Variants in STAU1 observed in about 807,000 individuals in gnomAD.
STAU1 encodes the protein staufen double-stranded RNA binding protein 1.
Under a neutral mutation model 62.9 loss-of-function variants are expected in STAU1, and 13 were observed. That is an observed-to-expected ratio of 0.21 (90% CI 0.13 to 0.33). The LOEUF (loss-of-function observed/expected upper bound fraction) is 0.33, where lower values mean the gene tolerates loss of function less well. STAU1 is among the 10% of genes least tolerant of loss of function. STAU1 has a pLI of 1.00. For missense variants in STAU1, 571 were observed against 712.1 expected, an observed-to-expected ratio of 0.80 and a Z score of 2.25; for synonymous variants, 269 against 265.1, an observed-to-expected ratio of 1.01 and a Z score of -0.14.
chr20:49,206,719 T>TTATATATATATATATATATATATATA, the STAU1 span, among the ~76,000 whole-genome samples: 1 of 106,036 alleles, frequency 9.4e-6, no homozygotes, highest in Non-Finnish European at 1.8e-5. Flanking sequence ...AAATGAAATT[T>TTATATATATATATATATATATATATA]TATATATATA....
At chr20:49,181,765 AC>A (rs142934964) in intron 1 of STAU1, among the ~76,000 whole-genome samples, 2,304 of 12,390 alleles carry the variant, frequency 0.19, 586 homozygotes, top group Non-Finnish European at 0.26. Flanking sequence ...GACTATCTCA[AC>A]AAAAAAAAAA....
intron 5 of STAU1, among the ~76,000 whole-genome samples, chr20:49,146,781 G>A (rs1480576668): frequency 2.0e-5 from 3 of 151,638 alleles, no homozygotes; most frequent in African/African-American, 7.3e-5. Flanking sequence ...TGTATGCACA[G>A]TAACAGCTCT....
At chr20:49,206,746 TATATA>T in the STAU1 span, among the ~76,000 whole-genome samples, 133 of 116,782 alleles carry the variant, frequency 1.1e-3, 1 homozygote, top group African/African-American at 4.3e-3. Context: ...TATATATATA[TATATA>T]TTTTATTTTA....
intron 2 of STAU1, among the ~76,000 whole-genome samples, chr20:49,166,519 A>G (rs2093528944): frequency 6.6e-6 from 1 of 152,184 alleles, no homozygotes; most frequent in Admixed American, 6.5e-5. Flanking sequence ...TGCTCTGCAT[A>G]TTCATTATAC....
intron 13 of STAU1, 90 bp from the exon 14 acceptor site, chr20:49,114,983 AG>A: frequency 3.7e-6 from 5 of 1,361,682 alleles, no homozygotes; most frequent in South Asian, 1.2e-5. Context: ...GGCAAACATC[AG>A]GAAGTACAAT....
At position 49,162,951 on chromosome 20, in the gene STAU1, T is replaced by C. The variant is rs543244873; in HGVS notation, c.205+3046A>G. The stretch of plus-strand genomic sequence containing the variant: ...GCTCACGCCTATAATCCCAGCACTT[T>C]AGGAGGCCAAGGTAGGCGGATCACG... On this transcript the variant is annotated intron_variant, in intron 3 of 13. Transcript: ENST00000371856. Among the ~76,000 whole-genome samples, 174 of 152,118 alleles carry C rather than the reference T, an allele frequency of 1.1e-3. 1 individual carries two copies. Among genetic ancestry groups the C allele is most frequent in the African/African-American group, 4.0e-3 (168 of 41,508 alleles).
Position 49,162,976 on chromosome 20 carries a change from G to A in STAU1, c.205+3021C>T, listed in dbSNP as rs112789147. Among the ~76,000 whole-genome samples the A allele has an allele frequency of 2.4e-4, 37 of 151,974 alleles. 2 individuals carry two copies. Among genetic ancestry groups the A allele is most frequent in the African/African-American group, 8.0e-4 (33 of 41,450 alleles). ...TAGGAGGCCAAGGTAGGCGGATCAC[G>A]AGGTCAAGAGATTGAAACCATCCTG... On this transcript the variant is annotated intron_variant, in intron 3 of 13. Transcript: ENST00000371856.
At chr20:49,181,709 T>C (rs961166392) in intron 1 of STAU1, among the ~76,000 whole-genome samples, 2 of 128,758 alleles carry the variant, frequency 1.6e-5, no homozygotes, top group Non-Finnish European at 3.1e-5. Flanking sequence ...GAGGTTGCAG[T>C]GAGCCGAGAT....
intron 1 of STAU1, among the ~76,000 whole-genome samples, chr20:49,177,393 T>C (rs183931990): frequency 6.6e-6 from 1 of 152,096 alleles, no homozygotes; most frequent in Non-Finnish European, 1.5e-5. Flanking sequence ...TTTAAAAATT[T>C]AAGGGCCGGG....
Position 49,154,052 on chromosome 20 carries a change from T to C in STAU1, c.225A>G (p.Val75=). ...GTTTCATGCACAGTGCATTTAGTTC[T>C]ACAGTAGGGGTTATGCTTTCTGCAA... The part of the protein sequence containing the change: ...SAAAESITPT[V]ELNALCMKLG... The change falls in exon 4 of 14, where the codon GTA becomes GTG. Residue 75 remains valine, a synonymous_variant. Transcript: ENST00000371856. 6.2e-7 allele frequency: 1 copy of C among 1,608,976 alleles called. No homozygotes were observed. The highest frequency in any genetic ancestry group is 1.1e-5 in the South Asian group (1 of 89,462).
In STAU1 at chr20:49,176,807, G is replaced by A. The variant is rs139004644; in HGVS notation, c.-159-2538C>T. On this transcript the variant is annotated intron_variant, in intron 1 of 13. Coordinates refer to ENST00000371856, the MANE Select transcript of STAU1 (RefSeq NM_017453.4). Reference sequence around the variant, plus strand: ...CCTTTTACCAATAGGGGCCTCACCTGAGCCAAGAAGTTTTCTATGTTGAAC... The same window carrying A: ...CCTTTTACCAATAGGGGCCTCACCTAAGCCAAGAAGTTTTCTATGTTGAAC... Among the ~76,000 whole-genome samples the A allele has an allele frequency of 2.1e-3, 314 of 152,136 alleles. 3 individuals are homozygous for A. The highest frequency in any genetic ancestry group is 6.8e-3 in the Middle Eastern group (2 of 294).
At chr20:49,175,855 C>T (rs1251472352) in intron 1 of STAU1, among the ~76,000 whole-genome samples, 1 of 135,260 alleles carries the variant, frequency 7.4e-6, no homozygotes, top group Admixed American at 8.3e-5. Context: ...AGTGCAGTGG[C>T]GCAATCTCGG....
At chr20:49,204,993 C>T in the STAU1 span, among the ~76,000 whole-genome samples, 4 of 151,748 alleles carry the variant, frequency 2.6e-5, no homozygotes, top group Non-Finnish European at 5.9e-5. Flanking sequence ...AAAAAAAATT[C>T]ACAAGATTTT....
chr20:49,185,726 A>T (rs2093778171), intron 1 of STAU1, among the ~76,000 whole-genome samples: 1 of 152,218 alleles, frequency 6.6e-6, no homozygotes, highest in African/African-American at 2.4e-5. Flanking sequence ...GGGGTTCTCC[A>T]TACTATTCGA....
At chr20:49,202,469 C>A in the STAU1 span, among the ~76,000 whole-genome samples, 4 of 151,600 alleles carry the variant, frequency 2.6e-5, no homozygotes, top group Non-Finnish European at 5.9e-5. Context: ...GAGGCTGAGG[C>A]AGGAGACTTG....
chr20:49,208,688 C>T, the STAU1 span, among the ~76,000 whole-genome samples: 12 of 150,678 alleles, frequency 8.0e-5, no homozygotes, highest in East Asian at 2.0e-4. Context: ...GGCGTGATCT[C>T]GGCTCACTGC....
At chr20:49,208,367 A>T in the STAU1 span, among the ~76,000 whole-genome samples, 30,875 of 151,346 alleles carry the variant, frequency 0.2, 3,196 homozygotes, top group African/African-American at 0.23. Flanking sequence ...CTATATATAT[A>T]TTTTTTTGTA....
chr20:49,188,859 G>C (rs1416313708), upstream of STAU1, among the ~76,000 whole-genome samples: 2 of 146,798 alleles, frequency 1.4e-5, no homozygotes, highest in African/African-American at 5.2e-5. Context: ...TTACATTCTT[G>C]TGTAAGTAAA....
At chr20:49,138,338 T>C (rs752886075) in intron 5 of STAU1, among the ~76,000 whole-genome samples, 21 of 152,088 alleles carry the variant, frequency 1.4e-4, no homozygotes, top group Non-Finnish European at 2.6e-4. Context: ...AAAAAATATA[T>C]ATATAACCAA....
Sources: allele counts gnomAD v4.1 joint callset (sites outside exome capture counted in the v4.1 genomes callset), GRCh38; gene constraint gnomAD v4.1.1; transcripts MANE v1.5; gene names NCBI Gene and HGNC (gene_info 2026-07-23, HGNC 2026-07-21).